COL24A1: variants seen among roughly 807,000 people sequenced by gnomAD.
COL24A1 encodes the protein collagen type XXIV alpha 1 chain.
Under a neutral mutation model 253.9 loss-of-function variants are expected in COL24A1, and 224 were observed. The observed-to-expected ratio is 0.88, with a 90% CI of 0.79 to 0.99. The LOEUF is 0.99. Ranked by LOEUF, COL24A1 falls within the 50% of genes least tolerant of loss-of-function variation. The pLI is 0.00. For missense variants in COL24A1, 2,131 were observed against 2,068.5 expected (o/e 1.03, Z -0.59); for synonymous variants, 685 against 673.7 (o/e 1.02, Z -0.26).
chr1:86,137,531 A>C (rs1650439262), intron 2 of COL24A1, among the ~76,000 whole-genome samples: 4 of 152,182 alleles, frequency 2.6e-5, no homozygotes, highest in Admixed American at 2.0e-4. Flanking sequence ...ACTTCTTAAC[A>C]TGGTGAAATT....
At chr1:85,826,397 T>C (rs1275095248) in intron 43 of COL24A1, among the ~76,000 whole-genome samples, 15 of 137,752 alleles carry the variant, frequency 1.1e-4, no homozygotes, top group Non-Finnish European at 2.4e-4. Context: ...AGGATTGACT[T>C]GGCGATGCGG....
At chr1:85,852,090 C>T (rs1001185475) in intron 37 of COL24A1, among the ~76,000 whole-genome samples, 1 of 151,738 alleles carries the variant, frequency 6.6e-6, no homozygotes, top group Non-Finnish European at 1.5e-5. Flanking sequence ...TGTAATTTTG[C>T]GGGGTGTGTG....
rs1189879823 is a variant in COL24A1 at position 86,059,163 on chromosome 1, T to A, written c.1764A>T (p.Gly588=). ...PGLPGEQGIP[G]FAGNIGSPGY... ...CGGGTGAACCAATATTACCAGCAAA[T>A]CCTGGAATTCCCTGAAATAATAAAT... The change falls in exon 9 of 60, where the codon GGA becomes GGT. Residue 588 remains glycine (G), a synonymous_variant. Transcript: ENST00000370571. The A allele has an allele frequency of 4.3e-6, 7 of 1,610,452 alleles. No individual in the cohort carries two copies. The African/African-American group carries it at 9.4e-5, about 22-fold the overall frequency.
intron 24 of COL24A1, among the ~76,000 whole-genome samples, chr1:85,927,413 C>G (rs890069404): frequency 6.2e-5 from 9 of 146,066 alleles, no homozygotes; most frequent in African/African-American, 2.3e-4. Context: ...ATATCCCACA[C>G]CTGGCTCAGA....
chr1:85,971,499 T>C, intron 20 of COL24A1, 106 bp from the exon 21 acceptor site: 1 of 963,556 alleles, frequency 1.0e-6, no homozygotes. Flanking sequence ...AACCATTCAT[T>C]TCCCATTAAG....
intron 3 of COL24A1, among the ~76,000 whole-genome samples, chr1:86,117,137 A>G (rs1246216753): frequency 6.6e-6 from 1 of 152,218 alleles, no homozygotes; most frequent in Non-Finnish European, 1.5e-5. Context: ...CTGTCTCACT[A>G]CTTGTGACAA....
At chr1:85,945,019 T>TGTTTGTTTG (rs1558752642) in intron 24 of COL24A1, among the ~76,000 whole-genome samples, 1 of 73,362 alleles carries the variant, frequency 1.4e-5, no homozygotes, top group Non-Finnish European at 2.7e-5. Flanking sequence ...TTTTTTTTTT[T>TGTTTGTTTG]TTTTTTTTTT....
In COL24A1 at chr1:86,124,988, C is replaced by T; in HGVS notation, c.1348G>A (p.Glu450Lys). Residue 450 changes from glutamate to lysine, a missense_variant, in exon 3 of 60, where the codon GAA becomes AAA. Coordinates refer to ENST00000370571, the MANE Select transcript of COL24A1 (RefSeq NM_152890.7). The stretch of plus-strand genomic sequence containing the variant: ...GTAGCATCAGGATAAAATTCACCTT[C>T]TTTCCTTAGATCAAGGTGATTATCC... Reference protein sequence around the residue: ...SVDNHLDLRKEGEFYPDATYP... With the variant: ...SVDNHLDLRKKGEFYPDATYP... The T allele has an allele frequency of 6.2e-7, 1 of 1,613,194 alleles. No homozygotes were observed.
chr1:85,857,106 G>A (rs756144323), intron 37 of COL24A1, among the ~76,000 whole-genome samples: 18 of 151,974 alleles, frequency 1.2e-4, no homozygotes, highest in Non-Finnish European at 2.5e-4. Context: ...GATCTTTTTT[G>A]CAATTACTCA....
At chr1:85,972,876 G>A (rs1474003227) in intron 20 of COL24A1, among the ~76,000 whole-genome samples, 2 of 151,530 alleles carry the variant, frequency 1.3e-5, no homozygotes, top group African/African-American at 4.8e-5. Context: ...GACAGCCTGA[G>A]AATGAAATCA....
chr1:86,050,322 G>T, intron 10 of COL24A1, 145 bp from the exon 11 acceptor site: 1 of 470,414 alleles, frequency 2.1e-6, no homozygotes, highest in African/African-American at 2.0e-5. Context: ...TCACCTAATT[G>T]CTTTTCTTCC....
At chr1:85,853,685 CATT>C (rs1435992268) in intron 37 of COL24A1, among the ~76,000 whole-genome samples, 4 of 152,146 alleles carry the variant, frequency 2.6e-5, no homozygotes, top group Non-Finnish European at 4.4e-5. Context: ...GATGGTATCT[CATT>C]GTGGTTTTGA....
At chr1:85,988,676 T>C (rs938188344) in intron 19 of COL24A1, among the ~76,000 whole-genome samples, 1 of 152,040 alleles carries the variant, frequency 6.6e-6, no homozygotes, top group African/African-American at 2.4e-5. Context: ...GAAAAGGTAG[T>C]TCAGTGAAGG....
intron 22 of COL24A1, among the ~76,000 whole-genome samples, chr1:85,968,095 A>G (rs1179289294): frequency 6.6e-6 from 1 of 152,122 alleles, no homozygotes; most frequent in Non-Finnish European, 1.5e-5. Context: ...GCCTTAGATC[A>G]TTGGACTCCA....
chr1:85,780,311 C>T (rs2101541325), intron 52 of COL24A1, among the ~76,000 whole-genome samples: 1 of 152,116 alleles, frequency 6.6e-6, no homozygotes, highest in East Asian at 1.9e-4. Flanking sequence ...AAATAACTTT[C>T]AAATAATTCA....
intron 14 of COL24A1, 65 bp downstream of exon 14, chr1:86,031,813 T>G: frequency 7.5e-7 from 1 of 1,326,616 alleles, no homozygotes. Context: ...CAAAAACACA[T>G]CTAACACATA....
intron 21 of COL24A1, among the ~76,000 whole-genome samples, chr1:85,970,796 G>A (rs1692082949): frequency 6.6e-6 from 1 of 152,140 alleles, no homozygotes; most frequent in African/African-American, 2.4e-5. Flanking sequence ...TAGTATATAT[G>A]AGTGAGATTC....
chr1:85,968,774 C>T (rs1425988070), intron 22 of COL24A1, among the ~76,000 whole-genome samples: 2 of 152,032 alleles, frequency 1.3e-5, no homozygotes, highest in Admixed American at 6.6e-5. Flanking sequence ...TACATATTTA[C>T]ATTATGGAAA....
At chr1:86,004,569 A>G (rs1695754731) in intron 19 of COL24A1, among the ~76,000 whole-genome samples, 1 of 145,962 alleles carries the variant, frequency 6.9e-6, no homozygotes, top group Non-Finnish European at 1.5e-5. Flanking sequence ...GATTTGTTAA[A>G]TCACTGACCC....
Sources: allele counts gnomAD v4.1 joint callset (sites outside exome capture counted in the v4.1 genomes callset), GRCh38; gene constraint gnomAD v4.1.1; transcripts MANE v1.5; gene names NCBI Gene and HGNC (gene_info 2026-07-23, HGNC 2026-07-21).